The following INVS variants were observed in gnomAD, a reference collection of about 807,000 sequenced individuals.
INVS encodes inversion of embryo turning homolog.
A neutral mutation model predicts 108.8 loss-of-function variants in INVS; 86 were observed. The observed-to-expected ratio is 0.79, with a 90% CI of 0.66 to 0.95. The LOEUF (loss-of-function observed/expected upper bound fraction) is 0.95. Among genes scored for constraint, INVS ranks in the 40% least tolerant of loss-of-function variants. The probability of loss-of-function intolerance (pLI) is 0.00; values close to 1 mark genes in which losing one functional copy is unlikely to be tolerated. For synonymous variants in INVS, 455 were observed against 473.5 expected (o/e 0.96, Z 0.51); for missense variants, 1,169 against 1,297.4 (o/e 0.90, Z 1.52).
At chr9:100,293,929 G>A (rs749192401) in intron 14 of INVS, among the ~76,000 whole-genome samples, 4 of 152,168 alleles carry the variant, frequency 2.6e-5, no homozygotes, top group Admixed American at 6.5e-5. Flanking sequence ...TTGGGAGGCC[G>A]AGGAGGGAGG....
At chr9:100,167,746 A>G (rs1465157093) in intron 3 of INVS, among the ~76,000 whole-genome samples, 2 of 152,184 alleles carry the variant, frequency 1.3e-5, no homozygotes, top group East Asian at 3.8e-4. Context: ...CCCATTGCCT[A>G]GAACTAGTAG....
At chr9:100,237,323 C>T (rs1361668070) in intron 5 of INVS, among the ~76,000 whole-genome samples, 1 of 152,136 alleles carries the variant, frequency 6.6e-6, no homozygotes, top group African/African-American at 2.4e-5. Context: ...CTGAGCAAAA[C>T]CACTTGGCTC....
chr9:100,159,298 T>C (rs1231196268), intron 3 of INVS, among the ~76,000 whole-genome samples: 1 of 152,202 alleles, frequency 6.6e-6, no homozygotes, highest in African/African-American at 2.4e-5. Context: ...GAACTAGATA[T>C]TGAAAAATCA....
At chr9:100,199,241 T>C (rs1334533379) in intron 3 of INVS, among the ~76,000 whole-genome samples, 1 of 152,212 alleles carries the variant, frequency 6.6e-6, no homozygotes, top group African/African-American at 2.4e-5. Flanking sequence ...TATTATTACT[T>C]TCAACCTATC....
rs566378870 is a variant in INVS, at chr9:100,180,993, A to G, written c.274-45069A>G. ...GTTCAACATACACAAATCAATAAAC[A>G]TAATCCATCACATAAACAGAACCAA... On this transcript the variant is annotated intron_variant, in intron 3 of 16. Coordinates refer to ENST00000262457, the MANE Select transcript of INVS (RefSeq NM_014425.5). Among the ~76,000 whole-genome samples the G allele has an allele frequency of 8.5e-5, 13 of 152,258 alleles. No homozygotes were observed. The South Asian group carries it at 1.9e-3, about 22-fold the overall frequency.
At chr9:100,274,908 C>T (rs1412130654) in intron 12 of INVS, among the ~76,000 whole-genome samples, 1 of 152,156 alleles carries the variant, frequency 6.6e-6, no homozygotes, top group Non-Finnish European at 1.5e-5. Context: ...AAGGGGGAAG[C>T]ATAAGTGTAC....
chr9:100,152,424 C>G (rs148765814), intron 3 of INVS, among the ~76,000 whole-genome samples: 42 of 152,242 alleles, frequency 2.8e-4, no homozygotes, highest in African/African-American at 1.0e-3. Context: ...TTATAGAAAA[C>G]CTTAATCATT....
intron 3 of INVS, among the ~76,000 whole-genome samples, chr9:100,176,571 G>A (rs545909298): frequency 6.6e-6 from 1 of 151,988 alleles, no homozygotes; most frequent in Admixed American, 6.6e-5. Flanking sequence ...CCACCTTCCG[G>A]GTTGATGTGA....
chr9:100,293,440 T>C (rs374397623), intron 14 of INVS, among the ~76,000 whole-genome samples: 1 of 152,208 alleles, frequency 6.6e-6, no homozygotes, highest in Non-Finnish European at 1.5e-5. Flanking sequence ...ATATGACAGG[T>C]TGCTGGAATG....
rs749452794 is a variant in INVS, at chr9:100,300,821, A to G, written c.*147A>G. ...ACCTAAAAATGTGTTAACTGAAAGA[A>G]AATGTCAGAATGTTTCCTTTCTGCT... On this transcript the variant is annotated 3_prime_UTR_variant, in exon 17 of 17. Coordinates refer to ENST00000262457, the MANE Select transcript of INVS (RefSeq NM_014425.5). The G allele has an allele frequency of 1.3e-5, 9 of 679,298 alleles. No homozygotes were observed. The highest frequency in any genetic ancestry group is 3.6e-5 in the African/African-American group (2 of 55,934). The allele number at this position is 679,298 out of a possible 1,614,324, so 42.1% of individuals were successfully genotyped here.
chr9:100,223,440 A>G (rs2118384357), intron 3 of INVS, among the ~76,000 whole-genome samples: 1 of 152,236 alleles, frequency 6.6e-6, no homozygotes, highest in East Asian at 1.9e-4. Flanking sequence ...CCTCTAGAAG[A>G]TATTTCATTT....
Position 100,213,208 on chromosome 9 carries a change from T to G in INVS, c.274-12854T>G, listed in dbSNP as rs377578445. 1.5e-4 allele frequency among the ~76,000 whole-genome samples: 19 copies of G among 123,842 alleles called. No individual in the cohort carries two copies. The South Asian group carries it at 3.1e-3, about 20-fold the overall frequency. The allele number at this position is 123,842 out of a possible 152,430, so 81.2% of individuals were successfully genotyped here. A position where few individuals can be genotyped will look rare whatever the true frequency, so the allele number is the denominator to read the frequency against. On this transcript the variant is annotated intron_variant, in intron 3 of 16. Transcript: ENST00000262457. ...AATTTCAACACATGAATTGGGGGGG[T>G]TTGGGGGTTGGGGGGACATATATTC...
intron 1 of INVS, among the ~76,000 whole-genome samples, chr9:100,100,469 C>T (rs1166395308): frequency 6.8e-6 from 1 of 146,350 alleles, no homozygotes; most frequent in African/African-American, 2.6e-5. Context: ...ACTTTTTGGA[C>T]TTAGCACTCA....
At chr9:100,203,989 T>C (rs1316281017) in intron 3 of INVS, among the ~76,000 whole-genome samples, 1 of 152,080 alleles carries the variant, frequency 6.6e-6, no homozygotes, top group East Asian at 1.9e-4. Context: ...TTGATCCCAA[T>C]GCTTTTTTTT....
At chr9:100,194,185 T>C (rs1010526739) in intron 3 of INVS, among the ~76,000 whole-genome samples, 2 of 152,238 alleles carry the variant, frequency 1.3e-5, no homozygotes, top group African/African-American at 2.4e-5. Flanking sequence ...TTCCCACTGA[T>C]AGTGAATGAA....
chr9:100,282,446 T>C (rs1588144059), intron 12 of INVS, among the ~76,000 whole-genome samples: 2 of 152,084 alleles, frequency 1.3e-5, no homozygotes, highest in Admixed American at 1.3e-4. Flanking sequence ...ATAAGCAAGC[T>C]TGGACCCCAG....
At chr9:100,230,053 A>C (rs1020742619) in intron 5 of INVS, among the ~76,000 whole-genome samples, 1 of 152,024 alleles carries the variant, frequency 6.6e-6, no homozygotes, top group Non-Finnish European at 1.5e-5. Context: ...CATTCCCCCT[A>C]CGCCGTGCTC....
At chr9:100,116,926 G>A (rs926623658) in intron 2 of INVS, 34 of 1,446,166 alleles carry the variant, frequency 2.4e-5, no homozygotes, top group African/African-American at 1.4e-4. Flanking sequence ...TGGCCTTGGC[G>A]AAGTTGCCCA....
chr9:100,133,011 A>G (rs1828098536), intron 3 of INVS, among the ~76,000 whole-genome samples: 1 of 152,166 alleles, frequency 6.6e-6, no homozygotes, highest in Admixed American at 6.5e-5. Context: ...AGGCTGAGGC[A>G]GGAGAATCGC....
Sources: gnomAD v4.1 joint callset for allele counts (sites outside exome capture counted in the v4.1 genomes callset) on GRCh38, gnomAD v4.1.1 for gene constraint, MANE v1.5 for transcripts, NCBI Gene and HGNC (gene_info 2026-07-23, HGNC 2026-07-21) for gene names.